The following ZMAT4 variants were observed in gnomAD, a reference collection of about 807,000 sequenced individuals.
The protein encoded by ZMAT4 is zinc finger matrin-type 4.
ZMAT4 carries 17 observed loss-of-function variants against 28.7 expected under a neutral mutation model. The ratio of observed to expected loss-of-function variants is 0.59; its 90% CI spans 0.41 to 0.89. The LOEUF (loss-of-function observed/expected upper bound fraction) is 0.89. ZMAT4 is among the 40% of genes least tolerant of loss of function. The probability of loss-of-function intolerance (pLI) is 0.00; values close to 1 mark genes in which losing one functional copy is unlikely to be tolerated. For missense variants in ZMAT4, 240 were observed against 283.8 expected (o/e 0.85, Z 1.11); for synonymous variants, 117 against 109.2 (o/e 1.07, Z -0.44).
In ZMAT4 at chr8:40,612,723, C is replaced by T. The variant is rs561260473; in HGVS notation, c.578-31462G>A. 2.2e-5 allele frequency among the ~76,000 whole-genome samples: 3 copies of T among 137,014 alleles called. No individual in the cohort carries two copies. The East Asian group carries it at 5.8e-4, about 26-fold the overall frequency. The allele number at this position is 137,014 out of a possible 152,430, so 89.9% of individuals were successfully genotyped here. ...GCTACCTCATTCTACTCAATCCCCT[C>T]CCCTACCTCCCTAAAAACATGTTCC... On this transcript the variant is annotated intron_variant, in intron 5 of 6. Coordinates refer to ENST00000297737, the MANE Select transcript of ZMAT4 (RefSeq NM_024645.3).
intron 1 of ZMAT4, among the ~76,000 whole-genome samples, chr8:40,846,787 G>A (rs970679448): frequency 2.0e-5 from 3 of 152,254 alleles, no homozygotes; most frequent in African/African-American, 4.8e-5. Context: ...GCTACCGTCC[G>A]TTCCAATGTT....
Position 40,674,903 on chromosome 8 carries a change from T to G in ZMAT4, c.378A>C (p.Pro126=). 1 of 1,613,004 alleles carries G rather than the reference T, an allele frequency of 6.2e-7. No individual in the cohort carries two copies. Among genetic ancestry groups the G allele is most frequent in the Non-Finnish European group, 8.5e-7 (1 of 1,179,742 alleles). ...CGACCACCGGAGCAGTGTCCATCCGTGGGGGCTTAAGTGGGCTCAGGGGTG... is the reference window on the plus strand; with the variant it reads ...CGACCACCGGAGCAGTGTCCATCCGGGGGGGCTTAAGTGGGCTCAGGGGTG... ...TATPLSPLKP[P]RMDTAPVVAS... Residue 126 remains proline, a synonymous_variant, in exon 5 of 7, where the codon CCA becomes CCC. Coordinates refer to ENST00000297737, the MANE Select transcript of ZMAT4 (RefSeq NM_024645.3).
chr8:40,593,150 C>T (rs571591853), intron 5 of ZMAT4, among the ~76,000 whole-genome samples: 3 of 152,124 alleles, frequency 2.0e-5, no homozygotes, highest in South Asian at 4.2e-4. Flanking sequence ...TAGATCTCGT[C>T]GGATATAGGG....
intron 6 of ZMAT4, among the ~76,000 whole-genome samples, chr8:40,558,940 A>G (rs1030483189): frequency 5.9e-5 from 9 of 152,208 alleles, no homozygotes; most frequent in African/African-American, 1.4e-4. Flanking sequence ...GCAATAAGAT[A>G]CCAAATCATA....
intron 3 of ZMAT4, among the ~76,000 whole-genome samples, chr8:40,724,240 A>C (rs2150520468): frequency 6.6e-6 from 1 of 152,288 alleles, no homozygotes; most frequent in Non-Finnish European, 1.5e-5. Flanking sequence ...CTTGGTAATA[A>C]AATCCAAAAT....
chr8:40,896,246 C>A (rs1183478568), intron 1 of ZMAT4, among the ~76,000 whole-genome samples: 1 of 152,202 alleles, frequency 6.6e-6, no homozygotes, highest in Non-Finnish European at 1.5e-5. Flanking sequence ...AGACTGTCAT[C>A]TGCATCTCCG....
chr8:40,564,586 G>A (rs1348435416), intron 6 of ZMAT4, among the ~76,000 whole-genome samples: 1 of 152,128 alleles, frequency 6.6e-6, no homozygotes, highest in Non-Finnish European at 1.5e-5. Flanking sequence ...TGTGTATAGG[G>A]GAGAACATAT....
chr8:40,622,231 G>C (rs1426160708), intron 5 of ZMAT4, among the ~76,000 whole-genome samples: 1 of 152,166 alleles, frequency 6.6e-6, no homozygotes, highest in Non-Finnish European at 1.5e-5. Context: ...GCTTATTCCA[G>C]ATATTTGGGG....
chr8:40,585,865 C>T (rs1044897451), intron 5 of ZMAT4, among the ~76,000 whole-genome samples: 2 of 152,182 alleles, frequency 1.3e-5, no homozygotes, highest in African/African-American at 2.4e-5. Flanking sequence ...GGGTCTTCTT[C>T]AGGCTACAGG....
intron 3 of ZMAT4, among the ~76,000 whole-genome samples, chr8:40,697,913 G>A (rs1178117918): frequency 6.6e-6 from 1 of 152,136 alleles, no homozygotes; most frequent in Non-Finnish European, 1.5e-5. Flanking sequence ...AGCCTGGCAT[G>A]GTGAAGGAAA....
At chr8:40,541,730 AT>A (rs1803036484) in intron 6 of ZMAT4, among the ~76,000 whole-genome samples, 1 of 152,232 alleles carries the variant, frequency 6.6e-6, no homozygotes, top group African/African-American at 2.4e-5. Context: ...AATGAAAAAA[AT>A]AACAGGTGAA....
intron 1 of ZMAT4, among the ~76,000 whole-genome samples, chr8:40,884,112 C>A (rs1818372227): frequency 6.6e-6 from 1 of 152,202 alleles, no homozygotes; most frequent in African/African-American, 2.4e-5. Context: ...CCTCGCTGTC[C>A]TGTCTCGAAG....
At chr8:40,634,295 A>G (rs1422742783) in intron 5 of ZMAT4, among the ~76,000 whole-genome samples, 2 of 152,208 alleles carry the variant, frequency 1.3e-5, no homozygotes, top group Admixed American at 1.3e-4. Context: ...GTCCACAAGT[A>G]GGTAGAGGTT....
intron 5 of ZMAT4, among the ~76,000 whole-genome samples, chr8:40,631,047 A>C (rs1230357294): frequency 6.6e-6 from 1 of 152,176 alleles, no homozygotes; most frequent in Admixed American, 6.5e-5. Flanking sequence ...TTTCATTCAG[A>C]CTAGCCACAT....
At chr8:40,783,637 T>C (rs1813937069) in intron 2 of ZMAT4, among the ~76,000 whole-genome samples, 1 of 152,100 alleles carries the variant, frequency 6.6e-6, no homozygotes, top group Non-Finnish European at 1.5e-5. Context: ...AATAACTACA[T>C]AAACATAAGA....
chr8:40,739,280 A>G (rs1811900906), intron 3 of ZMAT4, among the ~76,000 whole-genome samples: 1 of 152,222 alleles, frequency 6.6e-6, no homozygotes, highest in Admixed American at 6.5e-5. Flanking sequence ...CTCATCAAGG[A>G]GCAAATTAGA....
intron 6 of ZMAT4, among the ~76,000 whole-genome samples, chr8:40,551,796 A>G (rs1287919336): frequency 6.6e-6 from 1 of 152,154 alleles, no homozygotes; most frequent in African/African-American, 2.4e-5. Flanking sequence ...TGCACTTGTA[A>G]TTTCTCATTT....
chr8:40,722,268 C>G (rs1006877421), intron 3 of ZMAT4, among the ~76,000 whole-genome samples: 11 of 152,134 alleles, frequency 7.2e-5, no homozygotes, highest in African/African-American at 2.7e-4. Flanking sequence ...TTTTCGCAAC[C>G]TACTCATCTG....
At chr8:40,548,221 A>G (rs1803261880) in intron 6 of ZMAT4, among the ~76,000 whole-genome samples, 1 of 152,128 alleles carries the variant, frequency 6.6e-6, no homozygotes, top group Admixed American at 6.5e-5. Flanking sequence ...AAGATGGAAA[A>G]CCATTTGTTT....
Sources: gnomAD v4.1 joint callset for allele counts (sites outside exome capture counted in the v4.1 genomes callset) on GRCh38, gnomAD v4.1.1 for gene constraint, MANE v1.5 for transcripts, NCBI Gene and HGNC (gene_info 2026-07-23, HGNC 2026-07-21) for gene names.